Variants in ENTPD1 observed in about 807,000 individuals in gnomAD.
ENTPD1 encodes ATP diphosphohydrolase.
ENTPD1 carries 33 observed loss-of-function variants against 57.0 expected under a neutral mutation model. The observed-to-expected ratio is 0.58, with a 90% CI of 0.44 to 0.77. The LOEUF (loss-of-function observed/expected upper bound fraction) is 0.77, where lower values mean the gene tolerates loss of function less well. Among genes scored for constraint, ENTPD1 ranks in the 30% least tolerant of loss-of-function variants. The pLI, the probability that ENTPD1 is intolerant of heterozygous loss-of-function variation, is 0.00. For synonymous variants in ENTPD1, 202 were observed against 218.8 expected (o/e 0.92, Z 0.68); for missense variants, 501 against 603.4 (o/e 0.83, Z 1.78).
At position 95,870,365 on chromosome 10, in the gene ENTPD1, G is replaced by C. The variant is rs2098479082; in HGVS notation, c.*3982G>C. 1 of 892,158 alleles carries C rather than the reference G, an allele frequency of 1.1e-6. No homozygotes were observed. The highest frequency in any genetic ancestry group is 1.8e-5 in the African/African-American group (1 of 55,480). 55.3% of individuals were successfully genotyped at this position (892,158 alleles called of 1,614,324 possible). A position where few individuals can be genotyped will look rare whatever the true frequency, so the allele number is the denominator to read the frequency against. Reference sequence around the variant, plus strand: ...AGTGGCATGATCATGGCTCACTGCAGCCTCGACCTCCCAAGCTCAAGCAAG... The same window carrying C: ...AGTGGCATGATCATGGCTCACTGCACCCTCGACCTCCCAAGCTCAAGCAAG... On this transcript the variant is annotated 3_prime_UTR_variant, in exon 10 of 10. Coordinates refer to ENST00000371205, the MANE Select transcript of ENTPD1 (RefSeq NM_001776.6).
At chr10:95,778,093 G>A (rs1377998471) in intron 1 of ENTPD1, among the ~76,000 whole-genome samples, 1 of 152,174 alleles carries the variant, frequency 6.6e-6, no homozygotes, top group East Asian at 1.9e-4. Context: ...CTGATCCCTT[G>A]CGCTTTCCAG....
chr10:95,850,805 C>T (rs1293450997), intron 7 of ENTPD1, among the ~76,000 whole-genome samples: 1 of 152,204 alleles, frequency 6.6e-6, no homozygotes, highest in Non-Finnish European at 1.5e-5. Flanking sequence ...CCTCTTGAAG[C>T]ATAGCTATGT....
chr10:95,844,754 T>C lies in ENTPD1; in HGVS notation c.573+119T>C, dbSNP rs142802014. The C allele has an allele frequency of 2.5e-5, 30 of 1,210,264 alleles. No homozygotes were observed. The East Asian group carries it at 6.5e-4, about 26-fold the overall frequency. 75.0% of individuals were successfully genotyped at this position (1,210,264 alleles called of 1,614,324 possible). On this transcript the variant is annotated intron_variant, in intron 5 of 9. Transcript: ENST00000371205. ...AATGAATGATAGATGGATGGATGGA[T>C]GGATGACTGGATGAATGAATTTACT...
In ENTPD1 at chr10:95,876,418, T is replaced by G; in HGVS notation, c.*10035T>G. ...ATGGTAAATCATAATGTTCCCTTTCTCCTCGGTTCTGCAATCTATAGGCAT... is the reference window on the plus strand; with the variant it reads ...ATGGTAAATCATAATGTTCCCTTTCGCCTCGGTTCTGCAATCTATAGGCAT... On this transcript the variant is annotated 3_prime_UTR_variant, in exon 10 of 10. Coordinates refer to ENST00000371205, the MANE Select transcript of ENTPD1 (RefSeq NM_001776.6). 1 of 1,231,388 alleles carries G rather than the reference T, an allele frequency of 8.1e-7. No individual in the cohort carries two copies. Among genetic ancestry groups the G allele is most frequent in the Non-Finnish European group, 1.0e-6 (1 of 987,752 alleles). The allele number at this position is 1,231,388 out of a possible 1,614,324, so 76.3% of individuals were successfully genotyped here.
At chr10:95,827,060 T>C (rs539245523) in intron 2 of ENTPD1, among the ~76,000 whole-genome samples, 1 of 152,350 alleles carries the variant, frequency 6.6e-6, no homozygotes, top group Admixed American at 6.5e-5. Flanking sequence ...TTCAAAGAGC[T>C]ACATTTTAGA....
chr10:95,771,490 G>T (rs1371060909), intron 1 of ENTPD1, among the ~76,000 whole-genome samples: 1 of 152,184 alleles, frequency 6.6e-6, no homozygotes, highest in African/African-American at 2.4e-5. Flanking sequence ...TGCACAACTG[G>T]TTGGTGGCTG....
chr10:95,739,784 A>C (rs921767538), intron 1 of ENTPD1, among the ~76,000 whole-genome samples: 1 of 152,188 alleles, frequency 6.6e-6, no homozygotes, highest in East Asian at 1.9e-4. Flanking sequence ...TTTTTGATTT[A>C]CTTTGCCCAC....
At chr10:95,779,254 C>A (rs1386740894) in intron 1 of ENTPD1, among the ~76,000 whole-genome samples, 2 of 152,176 alleles carry the variant, frequency 1.3e-5, no homozygotes. Flanking sequence ...AGGAGATAGT[C>A]CCTCAAATAT....
chr10:95,744,465 A>G (rs1020074288), intron 1 of ENTPD1, among the ~76,000 whole-genome samples: 7 of 151,916 alleles, frequency 4.6e-5, no homozygotes, highest in African/African-American at 1.5e-4. Context: ...GTGAAACCCC[A>G]TCTCAACTAA....
At chr10:95,734,942 A>T (rs2097992969) in intron 1 of ENTPD1, among the ~76,000 whole-genome samples, 1 of 152,138 alleles carries the variant, frequency 6.6e-6, no homozygotes, top group Admixed American at 6.5e-5. Context: ...CATGGAAGAA[A>T]TTACAGTTGG....
At chr10:95,815,596 G>A (rs1047494381) in intron 1 of ENTPD1, among the ~76,000 whole-genome samples, 4 of 152,192 alleles carry the variant, frequency 2.6e-5, no homozygotes, top group Admixed American at 6.5e-5. Flanking sequence ...TTGTAGGGTA[G>A]GGTGCTGGTT....
intron 1 of ENTPD1, among the ~76,000 whole-genome samples, chr10:95,747,152 A>G (rs114095795): frequency 0.012 from 1,802 of 152,350 alleles, 33 homozygotes; most frequent in African/African-American, 0.041. Context: ...TACCATATCT[A>G]TGGCATCTCA....
chr10:95,844,688 G>T, intron 5 of ENTPD1, 53 bp downstream of exon 5: 1 of 1,607,342 alleles, frequency 6.2e-7, no homozygotes, highest in Non-Finnish European at 8.5e-7. Context: ...CAATGCCATT[G>T]CTATCTCAGG....
At chr10:95,782,745 C>T (rs2098162792) in intron 1 of ENTPD1, among the ~76,000 whole-genome samples, 1 of 152,032 alleles carries the variant, frequency 6.6e-6, no homozygotes, top group Admixed American at 6.6e-5. Context: ...TGTTGTTCCC[C>T]CAACCCCAAC....
chr10:95,717,434 C>T (rs79800440), intron 1 of ENTPD1, among the ~76,000 whole-genome samples: 2,167 of 151,380 alleles, frequency 0.014, 48 homozygotes, highest in African/African-American at 0.05. Context: ...GTTGCCGCTC[C>T]CTGCTCAAAT....
intron 1 of ENTPD1, among the ~76,000 whole-genome samples, chr10:95,718,791 A>G (rs1050669678): frequency 6.6e-6 from 1 of 152,236 alleles, no homozygotes; most frequent in African/African-American, 2.4e-5. Context: ...CTACAAAGGA[A>G]CTTCCATTAG....
chr10:95,845,297 A>G (rs2140860044), intron 5 of ENTPD1, 60 bp from the exon 6 acceptor site: 1 of 1,612,010 alleles, frequency 6.2e-7, no homozygotes, highest in East Asian at 2.2e-5. Context: ...ACTCCAATAG[A>G]TACTATGAAA....
chr10:95,725,149 G>A (rs1325758413), intron 1 of ENTPD1, among the ~76,000 whole-genome samples: 4 of 152,000 alleles, frequency 2.6e-5, no homozygotes, highest in Non-Finnish European at 4.4e-5. Flanking sequence ...GGCCCATCTA[G>A]TGAATTTTTC....
At position 95,873,528 on chromosome 10, in the gene ENTPD1, G is replaced by A. The variant is rs1219791486; in HGVS notation, c.*7145G>A. 2.0e-6 allele frequency: 2 copies of A among 985,416 alleles called. No individual in the cohort carries two copies. The highest frequency in any genetic ancestry group is 4.7e-5 in the South Asian group (1 of 21,286). 61.0% of individuals were successfully genotyped at this position (985,416 alleles called of 1,614,324 possible). Reference sequence around the variant, plus strand: ...CCATGCTCTCAGTAGAGGCCCATAGGAAAGAGTAGGTAGGTTATGCCAGCT... The same window carrying A: ...CCATGCTCTCAGTAGAGGCCCATAGAAAAGAGTAGGTAGGTTATGCCAGCT... On this transcript the variant is annotated 3_prime_UTR_variant, in exon 10 of 10. Transcript: ENST00000371205.
Sources: allele counts gnomAD v4.1 joint callset (sites outside exome capture counted in the v4.1 genomes callset), GRCh38; gene constraint gnomAD v4.1.1; transcripts MANE v1.5; gene names NCBI Gene and HGNC (gene_info 2026-07-23, HGNC 2026-07-21).